NACC2: variants seen among roughly 807,000 people sequenced by gnomAD.
NACC2 encodes the protein NACC family member 2.
In NACC2, 8 loss-of-function variants were observed where a neutral mutation model predicts 25.1. The observed-to-expected ratio is 0.32, with a 90% CI of 0.19 to 0.57. The LOEUF (loss-of-function observed/expected upper bound fraction) is 0.57, where lower values mean the gene tolerates loss of function less well. Among genes scored for constraint, NACC2 ranks in the 20% least tolerant of loss-of-function variants. The probability of loss-of-function intolerance (pLI) is 0.89; values close to 1 mark genes in which losing one functional copy is unlikely to be tolerated. For synonymous variants in NACC2, 435 were observed against 294.7 expected, an observed-to-expected ratio of 1.48 and a Z score of -4.88; for missense variants, 644 against 650.2, an observed-to-expected ratio of 0.99 and a Z score of 0.10.
chr9:136,050,326 C>T lies in NACC2; in HGVS notation c.196G>A (p.Ala66Thr). The change falls in exon 2 of 6, where the codon GCC becomes ACC. Residue 66 changes from alanine to threonine, a missense_variant. By Grantham distance (58) the Ala-to-Thr change is moderately conservative. Coordinates refer to ENST00000277554, the MANE Select transcript of NACC2 (RefSeq NM_144653.5). ...RDLFSGNSKS[A>T]FELPGSVPPA... Reference sequence around the variant, plus strand: ...GGCACGGAGCCGGGCAGCTCGAAGGCGCTCTTGCTGTTGCCGCTGAACAGG... The same window carrying T: ...GGCACGGAGCCGGGCAGCTCGAAGGTGCTCTTGCTGTTGCCGCTGAACAGG... The T allele has an allele frequency of 5.4e-6, 4 of 739,670 alleles. No homozygotes were observed. The highest frequency in any genetic ancestry group is 2.8e-5 in the South Asian group (2 of 70,684). The allele number at this position is 739,670 out of a possible 1,614,324, so 45.8% of individuals were successfully genotyped here. A position where few individuals can be genotyped will look rare whatever the true frequency, so the allele number is the denominator to read the frequency against.
At position 136,049,732 on chromosome 9, in the gene NACC2, G is replaced by A; in HGVS notation, c.790C>T (p.His264Tyr). The A allele has an allele frequency of 2.6e-6, 2 of 779,024 alleles. No individual in the cohort carries two copies. Among genetic ancestry groups the A allele is most frequent in the Non-Finnish European group, 4.8e-6 (2 of 417,442 alleles). The allele number at this position is 779,024 out of a possible 1,614,324, so 48.3% of individuals were successfully genotyped here. The change falls in exon 2 of 6, where the codon CAC becomes TAC. Residue 264 changes from histidine (H) to tyrosine (Y), a missense_variant. By Grantham distance (83) the His-to-Tyr change is moderately conservative. Coordinates refer to ENST00000277554, the MANE Select transcript of NACC2 (RefSeq NM_144653.5). ...TCGTCCTCCTCGTCCTCCTCGTTGT[G>A]GTACGAGGTGGGGCTGTCGGTGGTG... ...LPTTDSPTSY[H>Y]NEEDEEDDEA... is the part of the protein sequence containing the mutation.
intron 2 of NACC2, among the ~76,000 whole-genome samples, chr9:136,041,662 T>C (rs895274701): frequency 6.6e-6 from 1 of 152,110 alleles, no homozygotes; most frequent in Non-Finnish European, 1.5e-5. Flanking sequence ...GACAGAAATA[T>C]TCCAAAATTG....
At chr9:136,043,414 A>G (rs2131156543) in intron 2 of NACC2, among the ~76,000 whole-genome samples, 1 of 152,350 alleles carries the variant, frequency 6.6e-6, no homozygotes, top group East Asian at 1.9e-4. Flanking sequence ...TGTCACTGAT[A>G]TTCCACCCAC....
At chr9:136,082,899 G>A (rs148916693) in intron 1 of NACC2, among the ~76,000 whole-genome samples, 35 of 152,282 alleles carry the variant, frequency 2.3e-4, no homozygotes, top group African/African-American at 5.1e-4. Context: ...ATTTCCCACC[G>A]TGCATGGCCC....
Position 136,091,101 on chromosome 9 carries a change from C to T in NACC2, c.-60+4088G>A, listed in dbSNP as rs755859241. Reference sequence around the variant, plus strand: ...CCTCCCTGTGGGTCCCTGCAAACAACCTCTGGAGAAAAGCCTGCCTCTTGT... The same window carrying T: ...CCTCCCTGTGGGTCCCTGCAAACAATCTCTGGAGAAAAGCCTGCCTCTTGT... On this transcript the variant is annotated intron_variant, in intron 1 of 5. Transcript: ENST00000277554. Among the ~76,000 whole-genome samples the T allele has an allele frequency of 3.3e-5, 5 of 152,230 alleles. No homozygotes were observed. The East Asian group carries it at 5.8e-4, about 18-fold the overall frequency.
At chr9:136,015,415 T>A (rs1840184701) in intron 3 of NACC2, among the ~76,000 whole-genome samples, 1 of 152,146 alleles carries the variant, frequency 6.6e-6, no homozygotes, top group Non-Finnish European at 1.5e-5. Context: ...AGCCCAACAC[T>A]GCCAGGTGCA....
At chr9:136,075,063 G>A (rs1226088426) in intron 1 of NACC2, among the ~76,000 whole-genome samples, 1 of 152,224 alleles carries the variant, frequency 6.6e-6, no homozygotes, top group Non-Finnish European at 1.5e-5. Context: ...CCAGGCCGAC[G>A]CTCTTGGTTC....
intron 1 of NACC2, among the ~76,000 whole-genome samples, chr9:136,087,705 C>A (rs1464974944): frequency 6.6e-6 from 1 of 152,216 alleles, no homozygotes; most frequent in African/African-American, 2.4e-5. Context: ...CCAGCTTCCA[C>A]CGCAGCACGG....
chr9:136,086,112 G>C lies in NACC2; in HGVS notation c.-60+9077C>G, dbSNP rs987646398. ...CCTCCAGGCCCTTCACCTCGGGCTG[G>C]AGAAAACCAAGTCACCCCTGGGGAC... is the stretch of plus-strand genomic sequence containing the variant. On this transcript the variant is annotated intron_variant, in intron 1 of 5. Transcript: ENST00000277554. The surrounding 1 kb of genome is among the most constrained non-coding windows in gnomAD (Gnocchi z 5.6). Among the ~76,000 whole-genome samples the C allele has an allele frequency of 2.0e-5, 3 of 152,226 alleles. No individual in the cohort carries two copies. Among genetic ancestry groups the C allele is most frequent in the African/African-American group, 7.2e-5 (3 of 41,462 alleles).
At chr9:136,052,162 C>A (rs1840855138) in intron 1 of NACC2, among the ~76,000 whole-genome samples, 1 of 152,168 alleles carries the variant, frequency 6.6e-6, no homozygotes, top group Admixed American at 6.5e-5. Flanking sequence ...TGCGCGGCCC[C>A]GGGTGCTGGT....
intron 1 of NACC2, among the ~76,000 whole-genome samples, chr9:136,089,127 G>C (rs1011397804): frequency 6.6e-6 from 1 of 152,132 alleles, no homozygotes; most frequent in Non-Finnish European, 1.5e-5. Flanking sequence ...ACGCGGTTAC[G>C]TTTGCAGCAC....
At chr9:136,049,535 G>A (rs1588571365) in intron 2 of NACC2, 101 bp downstream of exon 2, 3 of 632,682 alleles carry the variant, frequency 4.7e-6, no homozygotes, top group Non-Finnish European at 8.6e-6. Context: ...CTCCCCTGTG[G>A]CCCCGCAGGC....
At chr9:136,070,093 C>G (rs1399283560) in intron 1 of NACC2, among the ~76,000 whole-genome samples, 1 of 151,900 alleles carries the variant, frequency 6.6e-6, no homozygotes, top group African/African-American at 2.4e-5. Context: ...TAAAATTACA[C>G]AGTGTGTTCT....
chr9:136,023,241 C>T (rs1289322717), intron 2 of NACC2, among the ~76,000 whole-genome samples: 5 of 151,022 alleles, frequency 3.3e-5, no homozygotes, highest in South Asian at 2.1e-4. Context: ...GGTGCAGCTG[C>T]GGGGGAAGAT....
At chr9:136,077,538 G>A (rs899416309) in intron 1 of NACC2, among the ~76,000 whole-genome samples, 6 of 152,214 alleles carry the variant, frequency 3.9e-5, no homozygotes, top group South Asian at 2.1e-4. Context: ...AGCAAAGGGC[G>A]TGTGGTCAGA....
In NACC2 at chr9:136,009,473, T is replaced by C. The variant is rs7848231; in HGVS notation, c.*2043A>G. 0.86 allele frequency: 130,547 copies of C among 152,350 alleles called. 56,095 individuals are homozygous for C. The highest frequency in any genetic ancestry group is 0.91 in the African/African-American group (37,780 of 41,552). 9.4% of individuals were successfully genotyped at this position (152,350 alleles called of 1,614,324 possible). A position where few individuals can be genotyped will look rare whatever the true frequency, so the allele number is the denominator to read the frequency against. Reference sequence around the variant, plus strand: ...CCCCCTGGACGTGGGCCCTGAGGAATGGGTGGAGGGGCCGAGGTTAGCGTC... The same window carrying C: ...CCCCCTGGACGTGGGCCCTGAGGAACGGGTGGAGGGGCCGAGGTTAGCGTC... On this transcript the variant is annotated 3_prime_UTR_variant, in exon 6 of 6. Transcript: ENST00000277554.
intron 2 of NACC2, among the ~76,000 whole-genome samples, chr9:136,026,059 G>T (rs976618290): frequency 1.3e-5 from 2 of 151,984 alleles, no homozygotes; most frequent in African/African-American, 4.8e-5. Flanking sequence ...GAAAGAATAG[G>T]CCAGGCGTGG....
At chr9:136,064,800 T>C (rs758146244) in intron 1 of NACC2, among the ~76,000 whole-genome samples, 21 of 152,184 alleles carry the variant, frequency 1.4e-4, no homozygotes, top group Admixed American at 1.4e-3. Flanking sequence ...AGAGCAGTCA[T>C]ACTTCCCAAT....
chr9:136,063,051 T>C (rs1251072771), intron 1 of NACC2, among the ~76,000 whole-genome samples: 1 of 152,238 alleles, frequency 6.6e-6, no homozygotes, highest in East Asian at 1.9e-4. Context: ...GTCACTGTTT[T>C]CTTCTAATTT....
Sources: allele counts gnomAD v4.1 joint callset (sites outside exome capture counted in the v4.1 genomes callset), GRCh38; gene constraint gnomAD v4.1.1; non-coding constraint Gnocchi (gnomAD v3.1); transcripts MANE v1.5; gene names NCBI Gene and HGNC (gene_info 2026-07-23, HGNC 2026-07-21).